DAB1: variants seen among roughly 807,000 people sequenced by gnomAD.
DAB1 encodes disabled homolog 1.
Under a neutral mutation model 64.6 loss-of-function variants are expected in DAB1, and 15 were observed. The observed-to-expected ratio is 0.23, with a 90% CI of 0.16 to 0.36. The LOEUF (loss-of-function observed/expected upper bound fraction) is 0.36. Ranked by LOEUF, DAB1 falls within the 10% of genes least tolerant of loss-of-function variation. The pLI is 1.00. For synonymous variants in DAB1, 235 were observed against 251.9 expected (o/e 0.93, Z 0.64); for missense variants, 596 against 706.7 (o/e 0.84, Z 1.78).
intron 4 of DAB1, among the ~76,000 whole-genome samples, chr1:57,119,300 A>G (rs1430499272): frequency 1.3e-5 from 2 of 152,180 alleles, no homozygotes; most frequent in Non-Finnish European, 2.9e-5. Context: ...CTTGAAAGTG[A>G]AATGTAGGCC....
chr1:57,201,214 C>T (rs155318), intron 2 of DAB1, among the ~76,000 whole-genome samples: 1,589 of 152,104 alleles, frequency 0.01, 33 homozygotes, highest in African/African-American at 0.036. Context: ...TTCTTCCTGG[C>T]ACATAGTAGG....
At position 58,073,407 on chromosome 1, in the gene DAB1, T is replaced by C. The variant is rs560304256; in HGVS notation, n.387+77104A>G. ...TGCCCTCTCCTCTTCTCTGGGCTCATAGAGCACCCTGTGCCAACCTTTATC... is the reference window on the plus strand; with the variant it reads ...TGCCCTCTCCTCTTCTCTGGGCTCACAGAGCACCCTGTGCCAACCTTTATC... On this transcript the variant is annotated intron_variant and non_coding_transcript_variant, in intron 5 of 20. Coordinates refer to the DAB1 transcript ENST00000485760. Among the ~76,000 whole-genome samples the C allele has an allele frequency of 1.6e-4, 24 of 152,312 alleles. No individual in the cohort carries two copies. In the East Asian group the frequency reaches 4.2e-3, roughly 27 times the overall value.
At chr1:57,652,062 T>C (rs1646262937) in intron 6 of DAB1, among the ~76,000 whole-genome samples, 1 of 152,176 alleles carries the variant, frequency 6.6e-6, no homozygotes, top group African/African-American at 2.4e-5. Context: ...ACCAGAAGGC[T>C]AGGAGGATAG....
intron 2 of DAB1, among the ~76,000 whole-genome samples, chr1:57,284,307 C>A: frequency 6.6e-6 from 1 of 152,156 alleles, no homozygotes; most frequent in Non-Finnish European, 1.5e-5. Flanking sequence ...TTAACTACAG[C>A]GTGGATGACT....
At chr1:57,660,213 G>A (rs891295426) in intron 6 of DAB1, among the ~76,000 whole-genome samples, 1 of 152,062 alleles carries the variant, frequency 6.6e-6, no homozygotes, top group African/African-American at 2.4e-5. Context: ...CATTCATGGA[G>A]AGCCTCCTAT....
intron 2 of DAB1, among the ~76,000 whole-genome samples, chr1:57,245,286 A>AT (rs926715655): frequency 1.3e-5 from 2 of 151,928 alleles, no homozygotes; most frequent in South Asian, 2.1e-4. Flanking sequence ...AGAAATTTCT[A>AT]TTTTTTTAAT....
chr1:57,106,739 A>T (rs978053624), intron 4 of DAB1, among the ~76,000 whole-genome samples: 22 of 152,336 alleles, frequency 1.4e-4, no homozygotes, highest in South Asian at 4.1e-4. Flanking sequence ...AATAGTATTC[A>T]CTCATTCTTC....
chr1:57,473,113 T>C (rs1216972289), intron 7 of DAB1, among the ~76,000 whole-genome samples: 2 of 152,202 alleles, frequency 1.3e-5, no homozygotes, highest in Non-Finnish European at 2.9e-5. Flanking sequence ...CATGATTGTA[T>C]GTATAGCGGA....
At chr1:57,556,890 A>G (rs1483868268) in intron 7 of DAB1, among the ~76,000 whole-genome samples, 1 of 152,214 alleles carries the variant, frequency 6.6e-6, no homozygotes, top group African/African-American at 2.4e-5. Context: ...GTTATCTTCT[A>G]GAATTTTTAT....
At chr1:57,030,317 T>C (rs1570544484) in intron 9 of DAB1, among the ~76,000 whole-genome samples, 1 of 152,248 alleles carries the variant, frequency 6.6e-6, no homozygotes, top group Non-Finnish European at 1.5e-5. Context: ...GTCTTGGGTA[T>C]GCTTTTATCA....
At chr1:57,271,524 G>A (rs963963270) in intron 2 of DAB1, among the ~76,000 whole-genome samples, 2 of 152,290 alleles carry the variant, frequency 1.3e-5, no homozygotes, top group South Asian at 4.1e-4. Context: ...TCGGGTTCCA[G>A]GTTGGGAAGC....
In DAB1 at chr1:57,253,534, TA is replaced by T. The variant is rs1308721519; in HGVS notation, c.67+37429del. On this transcript the variant is annotated intron_variant, in intron 2 of 14. Transcript: ENST00000371236. ...GGAAGGAGGAAAGAGAGTCCAGAGA[TA>T]ACGAAGTTTGAATTTAGTGATCCCC... Among the ~76,000 whole-genome samples, 5 of 152,088 alleles carry T rather than the reference TA, an allele frequency of 3.3e-5. No individual in the cohort carries two copies. The South Asian group carries it at 8.3e-4, about 25-fold the overall frequency.
At chr1:57,352,138 G>A (rs549677917) in intron 1 of DAB1, among the ~76,000 whole-genome samples, 28 of 152,234 alleles carry the variant, frequency 1.8e-4, no homozygotes, top group Admixed American at 1.3e-3. Context: ...AGCATGACAA[G>A]ATGGAAAAAG....
intron 6 of DAB1, among the ~76,000 whole-genome samples, chr1:57,759,953 T>C (rs1412576970): frequency 1.3e-5 from 2 of 152,128 alleles, no homozygotes; most frequent in Non-Finnish European, 2.9e-5. Context: ...ACAGGGACCT[T>C]TGTATGCTCT....
At chr1:57,075,267 T>C (rs1651884108) in intron 4 of DAB1, among the ~76,000 whole-genome samples, 1 of 152,240 alleles carries the variant, frequency 6.6e-6, no homozygotes, top group South Asian at 2.1e-4. Context: ...GGAGATGTTT[T>C]AATTTATCTG....
chr1:57,791,644 C>T (rs1287833053), intron 6 of DAB1, among the ~76,000 whole-genome samples: 2 of 152,122 alleles, frequency 1.3e-5, no homozygotes, highest in Non-Finnish European at 2.9e-5. Context: ...GCACCTATCA[C>T]AGTGCCCAGC....
At chr1:57,657,899 A>G (rs1057383088) in intron 6 of DAB1, among the ~76,000 whole-genome samples, 5 of 152,210 alleles carry the variant, frequency 3.3e-5, no homozygotes, top group Non-Finnish European at 5.9e-5. Flanking sequence ...AATATAATAT[A>G]GTTCATAAAT....
At position 57,039,499 on chromosome 1, in the gene DAB1, T is replaced by C. The variant is rs567478488; in HGVS notation, c.724-13456A>G. Among the ~76,000 whole-genome samples, 4 of 152,240 alleles carry C rather than the reference T, an allele frequency of 2.6e-5. No individual in the cohort carries two copies. The South Asian group carries it at 8.3e-4, about 32-fold the overall frequency. ...ACCTGGAGAAGAGGCTGAAGATGCA[T>C]TGTAGTCTTCACAGAGCAGATGCTC... is the stretch of plus-strand genomic sequence containing the variant. On this transcript the variant is annotated intron_variant, in intron 9 of 14. Transcript: ENST00000371236.
At chr1:57,386,859 G>A (rs1250998327) in intron 1 of DAB1, 1 of 152,114 alleles carries the variant, frequency 6.6e-6, no homozygotes, top group Non-Finnish European at 1.5e-5. Context: ...ACATTAAGCT[G>A]TAGAATGATT....
Sources: gnomAD v4.1 joint callset for allele counts (sites outside exome capture counted in the v4.1 genomes callset) on GRCh38, gnomAD v4.1.1 for gene constraint, MANE v1.5 for transcripts, NCBI Gene and HGNC (gene_info 2026-07-23, HGNC 2026-07-21) for gene names.